MGRN1: variants seen among roughly 807,000 people sequenced by gnomAD.
MGRN1 encodes the protein mahogunin ring finger 1.
In MGRN1, 29 loss-of-function variants were observed where a neutral mutation model predicts 69.2. The observed-to-expected ratio is 0.42, with a 90% CI of 0.31 to 0.57. The LOEUF (loss-of-function observed/expected upper bound fraction) is 0.57. Ranked by LOEUF, MGRN1 falls within the 20% of genes least tolerant of loss-of-function variation. MGRN1 has a pLI of 0.15. For missense variants in MGRN1, 998 were observed against 796.2 expected, an observed-to-expected ratio of 1.25 and a Z score of -3.05; for synonymous variants, 470 against 344.2, an observed-to-expected ratio of 1.37 and a Z score of -4.04.
chr16:4,668,234 A>G (rs1204985489), intron 7 of MGRN1, 31 bp from the exon 8 acceptor site: 1 of 1,607,060 alleles, frequency 6.2e-7, no homozygotes, highest in Non-Finnish European at 8.5e-7. Flanking sequence ...CAGCTTGACC[A>G]CCTTAACCTC....
In MGRN1 at chr16:4,686,113, C is replaced by T. The variant is rs1044949942; in HGVS notation, c.1618+2181C>T. 74 of 988,628 alleles carry T rather than the reference C, an allele frequency of 7.5e-5. No homozygotes were observed. In the African/African-American group the frequency reaches 1.1e-3, roughly 15 times the overall value. The allele number at this position is 988,628 out of a possible 1,614,324, so 61.2% of individuals were successfully genotyped here. On this transcript the variant is annotated intron_variant, in intron 16 of 16. Coordinates refer to ENST00000262370, the MANE Select transcript of MGRN1 (RefSeq NM_015246.4). ...CGCTCTGCCTCCCAGCTGTGGTTCT[C>T]CTTGTGGTTCTCTGTGGTTGCAGCA... is the stretch of plus-strand genomic sequence containing the variant.
chr16:4,673,521 C>T lies in MGRN1; in HGVS notation c.819C>T (p.Asp273=). ...AGCCCTCGGACGACGAGAACAGCGA[C>T]AACAGCAACGAGTGTGTGGTGTGCC... ...ETKPSDDENS[D]NSNECVVCLS... Residue 273 remains aspartate (D), a synonymous_variant, in exon 10 of 17, where the codon GAC becomes GAT. Coordinates refer to ENST00000262370, the MANE Select transcript of MGRN1 (RefSeq NM_015246.4). 1 of 1,613,520 alleles carries T rather than the reference C, an allele frequency of 6.2e-7. No homozygotes were observed. The highest frequency in any genetic ancestry group is 1.3e-5 in the African/African-American group (1 of 75,046).
chr16:4,680,964 T>G (rs971972077), intron 12 of MGRN1, among the ~76,000 whole-genome samples: 2 of 152,252 alleles, frequency 1.3e-5, no homozygotes, highest in Non-Finnish European at 2.9e-5. Context: ...GCCCCCGCAG[T>G]CTGACTTCCG....
intron 16 of MGRN1, chr16:4,687,960 G>A (rs2079371093): frequency 1.0e-6 from 1 of 985,690 alleles, no homozygotes; most frequent in Non-Finnish European, 1.2e-6. Flanking sequence ...GCCCCGGCCT[G>A]CGCATCGGTG....
chr16:4,651,306 T>C (rs2078401770), intron 2 of MGRN1, among the ~76,000 whole-genome samples: 1 of 152,128 alleles, frequency 6.6e-6, no homozygotes, highest in African/African-American at 2.4e-5. Context: ...CCTAGTGCTC[T>C]TCCAGGGCTT....
chr16:4,646,171 C>G (rs1024901767), intron 1 of MGRN1, among the ~76,000 whole-genome samples: 19 of 152,158 alleles, frequency 1.2e-4, no homozygotes, highest in African/African-American at 4.1e-4. Flanking sequence ...TGGCTCACGC[C>G]TGTAATCCCA....
Position 4,671,393 on chromosome 16 carries a change from G to A in MGRN1, c.729G>A (p.Val243=), listed in dbSNP as rs769648616. The A allele has an allele frequency of 1.9e-6, 3 of 1,614,072 alleles. No individual in the cohort carries two copies. Among genetic ancestry groups the A allele is most frequent in the Non-Finnish European group, 2.5e-6 (3 of 1,179,962 alleles). ...SVKPLKQKQI[V]DRVSYLLQEI... is the part of the protein sequence containing the mutation. ...GTGAGCCCCTCTCTGCTCTCCAGGT[G>A]GACCGGGTCAGCTACCTCCTGCAGG... The change falls in exon 9 of 17, where the codon GTG becomes GTA. Residue 243 remains valine, a splice_region_variant and synonymous_variant. Transcript: ENST00000262370.
In MGRN1 at chr16:4,681,611, T is replaced by G. The variant is rs1175527160; in HGVS notation, c.1193T>G (p.Leu398Arg). The change falls in exon 13 of 17, where the codon CTC (leucine) becomes CGC (arginine). Residue 398 changes from leucine to arginine, a missense_variant. By Grantham distance (102) the Leu-to-Arg change is moderately radical (BLOSUM62 -2). Coordinates refer to ENST00000262370, the MANE Select transcript of MGRN1 (RefSeq NM_015246.4). ...TCGCTGCTCGAGGCGCTCAACGGCC[T>G]CCGGGCTGTCTCCCCGGCCATCCCC... ...PISLLEALNG[L>R]RAVSPAIPSA... is the part of the protein sequence containing the mutation. 1.4e-5 allele frequency: 23 copies of G among 1,613,492 alleles called. No individual in the cohort carries two copies. Among genetic ancestry groups the G allele is most frequent in the Non-Finnish European group, 1.9e-5 (23 of 1,180,004 alleles).
At chr16:4,648,897 C>G (rs1391888050) in intron 1 of MGRN1, among the ~76,000 whole-genome samples, 1 of 150,392 alleles carries the variant, frequency 6.6e-6, no homozygotes, top group Non-Finnish European at 1.5e-5. Context: ...CGTGGTCACC[C>G]GGCTCCTCCT....
At position 4,642,466 on chromosome 16, in the gene MGRN1, T is replaced by TTGTGTGTGTGTGTG. The variant is rs143119735; in HGVS notation, c.89-7877_89-7864dup. 9.1e-3 allele frequency among the ~76,000 whole-genome samples: 1,287 copies of TTGTGTGTGTGTGTG among 141,792 alleles called. 24 individuals carry two copies. Among genetic ancestry groups the TTGTGTGTGTGTGTG allele is most frequent in the African/African-American group, 0.032 (1,196 of 37,472 alleles). The allele number at this position is 141,792 out of a possible 152,430, so 93.0% of individuals were successfully genotyped here. A position where few individuals can be genotyped will look rare whatever the true frequency, so the allele number is the denominator to read the frequency against. Reference sequence around the variant, plus strand: ...GCATGCACCACCACGGCCAGCTAATTTGTGTGTGTGTGTGTGTGTGTGTGT... The same window carrying TTGTGTGTGTGTGTG: ...GCATGCACCACCACGGCCAGCTAATTTGTGTGTGTGTGTGTGTGTGTGTGTGTGTGTGTGTGTGT... On this transcript the variant is annotated intron_variant, in intron 1 of 16. Coordinates refer to ENST00000262370, the MANE Select transcript of MGRN1 (RefSeq NM_015246.4).
chr16:4,651,888 G>A (rs1471551361), intron 2 of MGRN1, 75 bp from the exon 3 acceptor site: 1 of 1,327,522 alleles, frequency 7.5e-7, no homozygotes, highest in Non-Finnish European at 1.1e-6. Context: ...GGCTGTGGCT[G>A]CTGCACCCTG....
chr16:4,642,926 G>A (rs986122344), intron 1 of MGRN1, among the ~76,000 whole-genome samples: 2 of 151,672 alleles, frequency 1.3e-5, no homozygotes, highest in South Asian at 2.1e-4. Flanking sequence ...ACCTTGGACT[G>A]CAAGTACGCA....
chr16:4,635,985 A>G (rs1596260003), intron 1 of MGRN1, among the ~76,000 whole-genome samples: 1 of 146,866 alleles, frequency 6.8e-6, no homozygotes, highest in African/African-American at 2.6e-5. Context: ...TTTTTTAAGT[A>G]GAGACAGGGT....
intron 1 of MGRN1, among the ~76,000 whole-genome samples, chr16:4,641,547 T>G (rs1426996561): frequency 6.7e-6 from 1 of 149,582 alleles, no homozygotes; most frequent in African/African-American, 2.5e-5. Context: ...GACAGCGTTT[T>G]GCTCTTGTTG....
chr16:4,655,849 C>T lies in MGRN1; in HGVS notation c.444-1397C>T, dbSNP rs968219310. Among the ~76,000 whole-genome samples the T allele has an allele frequency of 7.2e-5, 11 of 152,254 alleles. 1 individual carries two copies. The highest frequency in any genetic ancestry group is 2.7e-4 in the African/African-American group (11 of 41,476). ...CCTGACAAGGAAACTGAGGCTCAGACAGAGGGGTGTGTCCAGGCCTCCGCA... is the reference window on the plus strand; with the variant it reads ...CCTGACAAGGAAACTGAGGCTCAGATAGAGGGGTGTGTCCAGGCCTCCGCA... On this transcript the variant is annotated intron_variant, in intron 4 of 16. Transcript: ENST00000262370.
intron 7 of MGRN1, among the ~76,000 whole-genome samples, chr16:4,665,407 C>G (rs1042115033): frequency 4.0e-5 from 6 of 151,580 alleles, no homozygotes; most frequent in African/African-American, 1.5e-4. Context: ...CTCTGTCACC[C>G]AGGCTGGAGT....
chr16:4,679,912 G>A (rs2079140424), intron 11 of MGRN1, 120 bp from the exon 12 acceptor site: 3 of 950,132 alleles, frequency 3.2e-6, no homozygotes, highest in South Asian at 1.5e-5. Context: ...CACGTCCCCC[G>A]GAAGCTTGTG....
intron 5 of MGRN1, among the ~76,000 whole-genome samples, chr16:4,657,884 A>C (rs907212724): frequency 6.6e-6 from 1 of 150,980 alleles, no homozygotes; most frequent in African/African-American, 2.4e-5. Context: ...CTGGGACTAC[A>C]GGCGCCTGCC....
intron 16 of MGRN1, among the ~76,000 whole-genome samples, chr16:4,685,458 C>CA (rs1370802193): frequency 2.6e-5 from 4 of 152,214 alleles, no homozygotes; most frequent in Non-Finnish European, 4.4e-5. Context: ...GGCAGGCAGT[C>CA]GTCATCTGTG....
Sources: gnomAD v4.1 joint callset for allele counts (sites outside exome capture counted in the v4.1 genomes callset) on GRCh38, gnomAD v4.1.1 for gene constraint, MANE v1.5 for transcripts, NCBI Gene and HGNC (gene_info 2026-07-23, HGNC 2026-07-21) for gene names.